The following NOL9 variants were observed in gnomAD, a reference collection of about 807,000 sequenced individuals.
NOL9 encodes the protein polynucleotide 5'-hydroxyl-kinase NOL9.
Under a neutral mutation model 67.9 loss-of-function variants are expected in NOL9, and 28 were observed. The ratio of observed to expected loss-of-function variants is 0.41; its 90% CI spans 0.31 to 0.57. The LOEUF (loss-of-function observed/expected upper bound fraction) is 0.57. NOL9 is among the 20% of genes least tolerant of loss of function. The pLI, the probability that NOL9 is intolerant of heterozygous loss-of-function variation, is 0.25. For synonymous variants in NOL9, 356 were observed against 352.2 expected (o/e 1.01, Z -0.12); for missense variants, 777 against 897.0 (o/e 0.87, Z 1.71).
At chr1:6,545,919 CAAA>C (rs66980518) in intron 3 of NOL9, among the ~76,000 whole-genome samples, 7 of 59,662 alleles carry the variant, frequency 1.2e-4, no homozygotes, top group Non-Finnish European at 1.5e-4. Context: ...GTCTGTGTCT[CAAA>C]AAAAAAAAAA....
chr1:6,550,564 G>T lies in NOL9; in HGVS notation c.448C>A (p.Gln150Lys). ...CRVTCLYGQV[Q>K]VFGFTISQGQ... ...TGGCTGATGGTAAAACCAAATACCTGCACCTGGCCATAGAGGCAAGTCACA... is the reference window on the plus strand; with the variant it reads ...TGGCTGATGGTAAAACCAAATACCTTCACCTGGCCATAGAGGCAAGTCACA... Residue 150 changes from glutamine (Q) to lysine (K), a missense_variant, in exon 2 of 12, where the codon CAG becomes AAG. Around this residue, in one of 2 missense-constraint regions of NOL9, gnomAD observed 364 missense variants for 344.4 expected, o/e 1.06. Transcript: ENST00000377705. 2 of 1,613,876 alleles carry T rather than the reference G, an allele frequency of 1.2e-6. No individual in the cohort carries two copies. Among genetic ancestry groups the T allele is most frequent in the African/African-American group, 1.3e-5 (1 of 74,960 alleles).
chr1:6,543,093 T>G (rs1639335685), intron 5 of NOL9, among the ~76,000 whole-genome samples: 1 of 149,800 alleles, frequency 6.7e-6, no homozygotes, highest in South Asian at 2.1e-4. Context: ...AGGGTCTCAT[T>G]ACGTTGCCCA....
At chr1:6,526,327 C>T (rs542298617) in intron 11 of NOL9, among the ~76,000 whole-genome samples, 2 of 152,268 alleles carry the variant, frequency 1.3e-5, no homozygotes, top group South Asian at 2.1e-4. Flanking sequence ...AGAGCCCACT[C>T]GCAGTCCCTG....
At chr1:6,532,366 A>T (rs1000090635) in intron 8 of NOL9, 97 bp downstream of exon 8, 1 of 1,145,812 alleles carries the variant, frequency 8.7e-7, no homozygotes, top group African/African-American at 1.5e-5. Flanking sequence ...AGGGACCTGA[A>T]GATCTTAGAG....
At chr1:6,550,144 G>A (rs1464881268) in intron 2 of NOL9, among the ~76,000 whole-genome samples, 2 of 152,072 alleles carry the variant, frequency 1.3e-5, no homozygotes, top group African/African-American at 4.8e-5. Flanking sequence ...CGATTCTCCT[G>A]TCTCGGCCTC....
chr1:6,523,987 C>T lies in NOL9; in HGVS notation c.*1867G>A, dbSNP rs567676696. 6.6e-6 allele frequency: 1 copy of T among 152,262 alleles called. No homozygotes were observed. The highest frequency in any genetic ancestry group is 6.5e-5 in the Admixed American group (1 of 15,294). 9.4% of individuals were successfully genotyped at this position (152,262 alleles called of 1,614,324 possible). On this transcript the variant is annotated 3_prime_UTR_variant, in exon 12 of 12. Coordinates refer to ENST00000377705, the MANE Select transcript of NOL9 (RefSeq NM_024654.5). ...CCAGTGAGTATAACTGTAAGATACA[C>T]GAAAGTGGAGAAAGGCAAAACATTG...
At chr1:6,530,847 A>G (rs1423992961) in intron 9 of NOL9, among the ~76,000 whole-genome samples, 1 of 152,238 alleles carries the variant, frequency 6.6e-6, no homozygotes, top group Non-Finnish European at 1.5e-5. Context: ...TCAAAACCGG[A>G]CATGCTGTGC....
rs562758295 is a variant in NOL9, at chr1:6,535,783, C to T, written c.1076-2342G>A. Among the ~76,000 whole-genome samples, 11 of 152,086 alleles carry T rather than the reference C, an allele frequency of 7.2e-5. No homozygotes were observed. In the East Asian group the frequency reaches 1.9e-3, roughly 27 times the overall value. Reference sequence around the variant, plus strand: ...CTCTACTAAAAATACAAAAAATTAGCCAGGCATGGTGGCGGGTGCCTGTAA... The same window carrying T: ...CTCTACTAAAAATACAAAAAATTAGTCAGGCATGGTGGCGGGTGCCTGTAA... On this transcript the variant is annotated intron_variant, in intron 6 of 11. Transcript: ENST00000377705.
rs766350709 is a variant in NOL9, at chr1:6,554,352, G to A, written c.151C>T (p.Arg51Trp). 1.4e-6 allele frequency: 2 copies of A among 1,456,546 alleles called. No homozygotes were observed. Among genetic ancestry groups the A allele is most frequent in the Non-Finnish European group, 1.8e-6 (2 of 1,112,642 alleles). 90.2% of individuals were successfully genotyped at this position (1,456,546 alleles called of 1,614,324 possible). The change falls in exon 1 of 12, where the codon CGG becomes TGG. Residue 51 changes from arginine (R) to tryptophan (W), a missense_variant. This residue lies in a region of NOL9 where 364 missense variants were observed against 344.4 expected (regional missense o/e 1.06). Coordinates refer to ENST00000377705, the MANE Select transcript of NOL9 (RefSeq NM_024654.5). ...CCGGACGCCTGGGCTTGCAGTAACC[G>A]CCACCGTAGGCGCCGCCGACCGCAC... The part of the protein sequence containing the change: ...RWCGRRRLRW[R>W]LLQAQASGVD...
At chr1:6,526,543 C>T (rs889849792) in intron 11 of NOL9, among the ~76,000 whole-genome samples, 153 bp downstream of exon 11, 3 of 152,180 alleles carry the variant, frequency 2.0e-5, no homozygotes, top group Admixed American at 6.5e-5. Flanking sequence ...GCCTTGGAGG[C>T]GGCCCTGACA....
At chr1:6,533,515 G>A in intron 6 of NOL9, 74 bp from the exon 7 acceptor site, 1 of 1,170,880 alleles carries the variant, frequency 8.5e-7, no homozygotes, top group Non-Finnish European at 1.2e-6. Flanking sequence ...GGTGGTGAGG[G>A]TTTTGTTTCA....
intron 9 of NOL9, among the ~76,000 whole-genome samples, chr1:6,530,409 G>A (rs928587414): frequency 3.9e-5 from 6 of 152,338 alleles, no homozygotes; most frequent in East Asian, 1.9e-4. Flanking sequence ...AGCCAAGCAC[G>A]TGGCATTGCA....
In NOL9 at chr1:6,525,882, C is replaced by T. The variant is rs1358346599; in HGVS notation, c.2081G>A (p.Arg694Lys). 2 of 1,614,160 alleles carry T rather than the reference C, an allele frequency of 1.2e-6. No homozygotes were observed. Among genetic ancestry groups the T allele is most frequent in the Non-Finnish European group, 1.7e-6 (2 of 1,180,024 alleles). ...CTTCATTTTTCGACAGAACTTAGGT[C>T]TTCGGTATGGTTTCTCTTTATGTGC... The part of the protein sequence containing the change: ...EEAHKEKPYR[R>K]PKFCRKMK Residue 694 changes from arginine to lysine, a missense_variant, in exon 12 of 12, where the codon AGA becomes AAA. This residue lies in a region of NOL9 where 413 missense variants were observed against 552.6 expected (regional missense o/e 0.75). Transcript: ENST00000377705.
In NOL9 at chr1:6,524,263, AT is replaced by A. The variant is rs1638832201; in HGVS notation, c.*1590del. Reference sequence around the variant, plus strand: ...ATAACCAACAGTTGTATAAGTGTATATAAGTGTTAAAACCCACACATCCTAA... The same window carrying A: ...ATAACCAACAGTTGTATAAGTGTATAAAGTGTTAAAACCCACACATCCTAA... On this transcript the variant is annotated 3_prime_UTR_variant, in exon 12 of 12. Coordinates refer to ENST00000377705, the MANE Select transcript of NOL9 (RefSeq NM_024654.5). The A allele has an allele frequency of 6.6e-6, 1 of 151,402 alleles. No individual in the cohort carries two copies. Among genetic ancestry groups the A allele is most frequent in the Non-Finnish European group, 1.5e-5 (1 of 68,042 alleles). The allele number at this position is 151,402 out of a possible 1,614,324, so 9.4% of individuals were successfully genotyped here.
chr1:6,552,044 G>T (rs1470650843), intron 1 of NOL9, among the ~76,000 whole-genome samples: 1 of 151,970 alleles, frequency 6.6e-6, no homozygotes, highest in Non-Finnish European at 1.5e-5. Context: ...CAAAAAAAAA[G>T]AAAGAAAATC....
At chr1:6,544,521 A>ACACACACG (rs1639372191) in intron 5 of NOL9, among the ~76,000 whole-genome samples, 1 of 35,830 alleles carries the variant, frequency 2.8e-5, no homozygotes, top group Non-Finnish European at 9.0e-5. Flanking sequence ...AAACACACAC[A>ACACACACG]CACACACGCA....
intron 5 of NOL9, among the ~76,000 whole-genome samples, chr1:6,543,296 C>T (rs993392053): frequency 1.1e-4 from 17 of 151,726 alleles, no homozygotes; most frequent in African/African-American, 3.6e-4. Flanking sequence ...CCCAGGTTCA[C>T]GCCATTCTCC....
Position 6,551,304 on chromosome 1 carries a change from G to A in NOL9, c.397-689C>T, listed in dbSNP as rs1639538310. ...CCATCAGTAATAAGTATTGGGCCAG[G>A]CACGGTGGCTCACGCCAGTAATCCC... On this transcript the variant is annotated intron_variant, in intron 1 of 11. Transcript: ENST00000377705. Among the ~76,000 whole-genome samples the A allele has an allele frequency of 2.6e-5, 4 of 152,248 alleles. No individual in the cohort carries two copies. In the South Asian group the frequency reaches 8.3e-4, roughly 32 times the overall value.
At chr1:6,527,635 AAAAC>A (rs200036123) in intron 10 of NOL9, among the ~76,000 whole-genome samples, 2 of 45,424 alleles carry the variant, frequency 4.4e-5, no homozygotes, top group Admixed American at 3.2e-4. Context: ...AAAACAAAAC[AAAAC>A]AAAAAAAAAA....
Sources: allele counts gnomAD v4.1 joint callset (sites outside exome capture counted in the v4.1 genomes callset), GRCh38; gene constraint gnomAD v4.1.1; regional missense constraint gnomAD v4.1.1; transcripts MANE v1.5; gene names NCBI Gene and HGNC (gene_info 2026-07-23, HGNC 2026-07-21).